LRRC4C: variants seen among roughly 807,000 people sequenced by gnomAD.
LRRC4C encodes leucine-rich repeat-containing protein 4C.
Under a neutral mutation model 33.6 loss-of-function variants are expected in LRRC4C, and 5 were observed. The observed-to-expected ratio is 0.15, with a 90% CI of 0.08 to 0.31. The LOEUF is 0.31. LRRC4C is among the 10% of genes least tolerant of loss of function. The pLI, the probability that LRRC4C is intolerant of heterozygous loss-of-function variation, is 1.00. For missense variants in LRRC4C, 560 were observed against 796.7 expected, an observed-to-expected ratio of 0.70 and a Z score of 3.58; for synonymous variants, 329 against 302.0, an observed-to-expected ratio of 1.09 and a Z score of -0.93.
intron 1 of LRRC4C, among the ~76,000 whole-genome samples, chr11:41,132,442 T>C (rs1282088887): frequency 6.6e-6 from 1 of 152,160 alleles, no homozygotes; most frequent in Non-Finnish European, 1.5e-5. Flanking sequence ...ATAGAAATGA[T>C]GATATATCCT....
At chr11:40,679,195 G>C (rs1049753283) in intron 2 of LRRC4C, among the ~76,000 whole-genome samples, 1 of 152,094 alleles carries the variant, frequency 6.6e-6, no homozygotes, top group Non-Finnish European at 1.5e-5. Context: ...AGATGATTTA[G>C]GGTTTCTGGT....
chr11:41,388,810 C>A (rs976696926), intron 1 of LRRC4C, among the ~76,000 whole-genome samples: 2 of 151,840 alleles, frequency 1.3e-5, no homozygotes, highest in African/African-American at 4.8e-5. Flanking sequence ...ATGAAAGTGG[C>A]CCTTAGTAGT....
chr11:40,665,602 A>G (rs1233575470), intron 2 of LRRC4C, among the ~76,000 whole-genome samples: 1 of 151,706 alleles, frequency 6.6e-6, no homozygotes, highest in Non-Finnish European at 1.5e-5. Context: ...ACAGTTTGAG[A>G]AAACTACAGA....
chr11:41,123,908 TAA>T (rs902042877), intron 1 of LRRC4C, among the ~76,000 whole-genome samples: 2 of 152,214 alleles, frequency 1.3e-5, no homozygotes, highest in African/African-American at 4.8e-5. Context: ...GTACTCATAT[TAA>T]GTTTGAGATC....
chr11:40,383,679 C>T (rs1433566775), intron 3 of LRRC4C, among the ~76,000 whole-genome samples: 1 of 151,816 alleles, frequency 6.6e-6, no homozygotes, highest in Non-Finnish European at 1.5e-5. Flanking sequence ...TATTCAGATC[C>T]TGTGCCCATT....
intron 1 of LRRC4C, among the ~76,000 whole-genome samples, chr11:41,089,726 T>C (rs376652828): frequency 2.0e-5 from 3 of 152,126 alleles, no homozygotes; most frequent in African/African-American, 4.8e-5. Context: ...TTGGGTGATG[T>C]ATTTTTAGCT....
intron 1 of LRRC4C, among the ~76,000 whole-genome samples, chr11:41,414,676 A>T (rs957237871): frequency 2.0e-5 from 3 of 152,130 alleles, no homozygotes; most frequent in Non-Finnish European, 2.9e-5. Context: ...TTCAACACTT[A>T]AAAAGATAAA....
At chr11:40,984,399 GAAAGAAAGAA>G (rs1852822637) in intron 1 of LRRC4C, among the ~76,000 whole-genome samples, 1 of 85,414 alleles carries the variant, frequency 1.2e-5, no homozygotes, top group Non-Finnish European at 3.1e-5. Flanking sequence ...AAGAAAGAAA[GAAAGAAAGAA>G]AGAAAGAGAA....
intron 1 of LRRC4C, among the ~76,000 whole-genome samples, chr11:41,334,710 G>T (rs1017186595): frequency 2.0e-5 from 3 of 152,054 alleles, no homozygotes; most frequent in Admixed American, 6.6e-5. Flanking sequence ...CAATAGTCGG[G>T]TGTGATGGTG....
chr11:40,821,594 C>T (rs1374371189), intron 2 of LRRC4C, among the ~76,000 whole-genome samples: 4 of 151,268 alleles, frequency 2.6e-5, no homozygotes, highest in African/African-American at 9.7e-5. Context: ...CTTATATGGC[C>T]TTCACCCAAT....
intron 3 of LRRC4C, among the ~76,000 whole-genome samples, chr11:40,357,932 C>A (rs1947746992): frequency 1.3e-5 from 2 of 152,096 alleles, no homozygotes; most frequent in Admixed American, 1.3e-4. Context: ...CACCTATAAT[C>A]CCAGCACTTT....
intron 2 of LRRC4C, among the ~76,000 whole-genome samples, chr11:40,858,016 A>AGGAAGGGATGGGAAG (rs1953882208): frequency 7.2e-6 from 1 of 139,132 alleles, no homozygotes; most frequent in Non-Finnish European, 1.5e-5. Flanking sequence ...GGACAAGGAA[A>AGGAAGGGATGGGAAG]GGAAGGGAAG....
chr11:40,385,151 A>G (rs960065490), intron 3 of LRRC4C, among the ~76,000 whole-genome samples: 1 of 152,112 alleles, frequency 6.6e-6, no homozygotes, highest in Non-Finnish European at 1.5e-5. Flanking sequence ...GGTTTCTAAT[A>G]CATGTTCACA....
At chr11:41,306,037 A>C (rs12418905) in intron 1 of LRRC4C, among the ~76,000 whole-genome samples, 1 of 144,830 alleles carries the variant, frequency 6.9e-6, no homozygotes, top group East Asian at 2.0e-4. Context: ...AAAAAAAAAA[A>C]AAAGAAAGAA....
chr11:41,354,611 C>T (rs1217752235), intron 1 of LRRC4C, among the ~76,000 whole-genome samples: 1 of 151,952 alleles, frequency 6.6e-6, no homozygotes, highest in Non-Finnish European at 1.5e-5. Flanking sequence ...AGGAATCACA[C>T]TACCCAACTT....
intron 1 of LRRC4C, among the ~76,000 whole-genome samples, chr11:40,979,416 G>A (rs1025867170): frequency 6.6e-6 from 1 of 152,102 alleles, no homozygotes; most frequent in Non-Finnish European, 1.5e-5. Flanking sequence ...CTTTCATCAA[G>A]ACTACAAAAT....
intron 1 of LRRC4C, chr11:41,123,071 T>G (rs1348169324): frequency 6.6e-6 from 1 of 151,968 alleles, no homozygotes; most frequent in Non-Finnish European, 1.5e-5. Flanking sequence ...TGGAAGAACT[T>G]GAGATCATCC....
intron 2 of LRRC4C, among the ~76,000 whole-genome samples, chr11:40,770,904 C>G (rs1434831783): frequency 1.3e-5 from 2 of 152,094 alleles, no homozygotes; most frequent in Non-Finnish European, 2.9e-5. Flanking sequence ...GTTACAACCC[C>G]CCCTCCCAGC....
intron 3 of LRRC4C, among the ~76,000 whole-genome samples, chr11:40,497,500 T>G (rs1427260571): frequency 6.6e-6 from 1 of 152,180 alleles, no homozygotes; most frequent in African/African-American, 2.4e-5. Flanking sequence ...GCATATTTGC[T>G]TCTTAAAGGT....
Sources: allele counts gnomAD v4.1 joint callset (sites outside exome capture counted in the v4.1 genomes callset), GRCh38; gene constraint gnomAD v4.1.1; transcripts MANE v1.5; gene names NCBI Gene and HGNC (gene_info 2026-07-23, HGNC 2026-07-21).